Variants in LIMCH1 observed in about 807,000 individuals in gnomAD.
The protein encoded by LIMCH1 is LIM and calponin homology domains 1, also known as LIM and calponin homology domains-containing protein 1.
Under a neutral mutation model 176.5 loss-of-function variants are expected in LIMCH1, and 113 were observed. The observed-to-expected ratio is 0.64, with a 90% confidence interval of 0.55 to 0.75. The LOEUF (loss-of-function observed/expected upper bound fraction) is 0.75. Among genes scored for constraint, LIMCH1 ranks in the 30% least tolerant of loss-of-function variants. LIMCH1 has a pLI of 0.00. For synonymous variants in LIMCH1, 619 were observed against 645.9 expected, an observed-to-expected ratio of 0.96 and a Z score of 0.63; for missense variants, 1,674 against 1,814.9, an observed-to-expected ratio of 0.92 and a Z score of 1.41.
chr4:41,642,091 T>C (rs1022463332), intron 14 of LIMCH1, among the ~76,000 whole-genome samples: 4 of 152,156 alleles, frequency 2.6e-5, no homozygotes, highest in Non-Finnish European at 5.9e-5. Flanking sequence ...AACCTGGATC[T>C]ATGGCCACCC....
intron 1 of LIMCH1, among the ~76,000 whole-genome samples, chr4:41,549,399 T>A (rs560796906): frequency 6.6e-6 from 1 of 152,336 alleles, no homozygotes; most frequent in Non-Finnish European, 1.5e-5. Context: ...TCCGTGCTCA[T>A]GGGTATGCAC....
intron 3 of LIMCH1, among the ~76,000 whole-genome samples, chr4:41,526,573 T>C (rs1263972264): frequency 2.0e-5 from 3 of 152,118 alleles, no homozygotes; most frequent in South Asian, 2.1e-4. Context: ...GCGTCATGCC[T>C]GTGCCTCCCT....
intron 19 of LIMCH1, 104 bp from the exon 20 acceptor site, chr4:41,662,717 G>A (rs1417533124): frequency 6.6e-6 from 8 of 1,204,490 alleles, no homozygotes; most frequent in Middle Eastern, 2.0e-4. Context: ...TTGCCAGGAC[G>A]GGATATGGAC....
chr4:41,650,649 C>T (rs1204431269), intron 18 of LIMCH1, 41 bp downstream of exon 18: 1 of 1,490,184 alleles, frequency 6.7e-7, no homozygotes, highest in African/African-American at 1.4e-5. Context: ...TGGGATAATT[C>T]CATGGTGAAA....
At chr4:41,510,963 A>T (rs989607322) in intron 2 of LIMCH1, among the ~76,000 whole-genome samples, 3 of 152,216 alleles carry the variant, frequency 2.0e-5, no homozygotes, top group Non-Finnish European at 2.9e-5. Context: ...AAGAGTGAAT[A>T]AAAAGAAAAA....
chr4:41,695,418 T>C (rs1392460348), intron 31 of LIMCH1, among the ~76,000 whole-genome samples: 1 of 151,882 alleles, frequency 6.6e-6, no homozygotes, highest in South Asian at 2.1e-4. Context: ...TGATTTTTTT[T>C]CCAGTTAGCC....
intron 1 of LIMCH1, among the ~76,000 whole-genome samples, chr4:41,380,875 G>A (rs1372968246): frequency 1.3e-5 from 2 of 152,056 alleles, no homozygotes; most frequent in Admixed American, 6.6e-5. Flanking sequence ...AGTATTTTAT[G>A]GCATACTATA....
chr4:41,633,378 C>G (rs1383888491), intron 12 of LIMCH1, among the ~76,000 whole-genome samples, 170 bp from the exon 13 acceptor site: 3 of 152,204 alleles, frequency 2.0e-5, no homozygotes, highest in East Asian at 3.8e-4. Flanking sequence ...AGCTGCATGA[C>G]AGAGGGTCCC....
In LIMCH1 at chr4:41,684,480, G is replaced by T; in HGVS notation, c.3929G>T (p.Gly1310Val). ...HEDHQLDTEA[G>V]APHCGTNPQL... ...GACCATCAGCTGGATACCGAGGCTG[G>T]GGCCCCACACTGTGGAACAAACCCA... Residue 1310 changes from glycine to valine, a missense_variant, in exon 27 of 32, where the codon GGG (glycine) becomes GTG (valine). Gly to Val is a moderately radical substitution (Grantham distance 109, BLOSUM62 -3). Coordinates refer to ENST00000503057, the MANE Select transcript of LIMCH1 (RefSeq NM_001330672.2). 1 of 1,613,666 alleles carries T rather than the reference G, an allele frequency of 6.2e-7. No individual in the cohort carries two copies. The highest frequency in any genetic ancestry group is 8.5e-7 in the Non-Finnish European group (1 of 1,179,796).
At chr4:41,419,637 C>CCTG (rs2060354088) in intron 1 of LIMCH1, among the ~76,000 whole-genome samples, 1 of 75,938 alleles carries the variant, frequency 1.3e-5, no homozygotes, top group Non-Finnish European at 2.3e-5. Context: ...CTTCCTTCCT[C>CCTG]CTTCCTTTCT....
At chr4:41,675,654 TC>T (rs34616333) in intron 22 of LIMCH1, among the ~76,000 whole-genome samples, 2 of 150,992 alleles carry the variant, frequency 1.3e-5, no homozygotes, top group Admixed American at 1.3e-4. Flanking sequence ...TGATTTCCCT[TC>T]CCCCCACCCC....
At chr4:41,404,358 A>G (rs1050263773) in intron 1 of LIMCH1, among the ~76,000 whole-genome samples, 3 of 152,084 alleles carry the variant, frequency 2.0e-5, no homozygotes, top group Admixed American at 2.0e-4. Context: ...ACCCGATACC[A>G]ATGACAGCCA....
chr4:41,465,137 G>T (rs1490873035), intron 1 of LIMCH1, among the ~76,000 whole-genome samples: 2 of 152,104 alleles, frequency 1.3e-5, no homozygotes, highest in Non-Finnish European at 2.9e-5. Flanking sequence ...TCTCCAAGTT[G>T]CATTTCCAGC....
intron 1 of LIMCH1, among the ~76,000 whole-genome samples, chr4:41,367,853 C>G (rs376318507): frequency 7.4e-6 from 1 of 135,292 alleles, no homozygotes; most frequent in Non-Finnish European, 1.5e-5. Flanking sequence ...GGCGGCAGTG[C>G]GAGACTCCAT....
At chr4:41,549,515 T>G (rs1292038518) in intron 1 of LIMCH1, among the ~76,000 whole-genome samples, 1 of 152,132 alleles carries the variant, frequency 6.6e-6, no homozygotes, top group Non-Finnish European at 1.5e-5. Flanking sequence ...TTTTTTCTTT[T>G]TCTCTCTACT....
At chr4:41,452,706 A>G (rs2064039092) in intron 1 of LIMCH1, among the ~76,000 whole-genome samples, 2 of 152,172 alleles carry the variant, frequency 1.3e-5, no homozygotes, top group South Asian at 4.1e-4. Flanking sequence ...CTTCTTCTGC[A>G]CCGCAAGGCC....
intron 20 of LIMCH1, 133 bp downstream of exon 20, chr4:41,663,117 C>A (rs2094686937): frequency 2.4e-6 from 2 of 818,602 alleles, no homozygotes; most frequent in Non-Finnish European, 3.7e-6. Context: ...TATCTTTAAT[C>A]TGTAGTTTTT....
At chr4:41,410,459 T>C (rs772366217) in intron 1 of LIMCH1, among the ~76,000 whole-genome samples, 3 of 152,168 alleles carry the variant, frequency 2.0e-5, no homozygotes, top group Non-Finnish European at 2.9e-5. Context: ...AAAGAATTAT[T>C]TTTTCCTGTT....
chr4:41,651,548 TG>T (rs1419269402), intron 18 of LIMCH1, among the ~76,000 whole-genome samples: 2 of 152,356 alleles, frequency 1.3e-5, no homozygotes, highest in South Asian at 2.1e-4. Context: ...TCACTATTGG[TG>T]TCCAGTGTTA....
Sources: gnomAD v4.1 joint callset for allele counts (sites outside exome capture counted in the v4.1 genomes callset) on GRCh38, gnomAD v4.1.1 for gene constraint, MANE v1.5 for transcripts, NCBI Gene and HGNC (gene_info 2026-07-23, HGNC 2026-07-21) for gene names.